Variants in SALL3 observed in about 807,000 individuals in gnomAD.
SALL3 encodes the protein spalt like transcription factor 3, also known as sal-like protein 3.
A neutral mutation model predicts 66.2 loss-of-function variants in SALL3; 25 were observed. The observed-to-expected ratio is 0.38, with a 90% CI of 0.28 to 0.53. The LOEUF (loss-of-function observed/expected upper bound fraction) is 0.53. SALL3 is among the 20% of genes least tolerant of loss of function. The pLI, the probability that SALL3 is intolerant of heterozygous loss-of-function variation, is 0.85. For missense variants in SALL3, 2,194 were observed against 1,916.5 expected (o/e 1.14, Z -2.70); for synonymous variants, 1,152 against 899.1 (o/e 1.28, Z -5.03).
Position 78,997,190 on chromosome 18 carries a change from C to T in SALL3, c.3771C>T (p.Ala1257=), listed in dbSNP as rs755936633. The change falls in exon 3 of 3, where the codon GCC becomes GCT. Residue 1257 remains alanine, a synonymous_variant. Transcript: ENST00000537592. ...GSALPPLGSM[A]SGMDKARTGS... is the part of the protein sequence containing the mutation. The stretch of plus-strand genomic sequence containing the variant: ...CCCTCCCCCCTCTGGGCAGCATGGC[C>T]AGTGGGATGGACAAAGCACGCACTG... 1.9e-6 allele frequency: 3 copies of T among 1,613,902 alleles called. No homozygotes were observed. The highest frequency in any genetic ancestry group is 2.7e-5 in the African/African-American group (2 of 74,922).
rs145469808 is a variant in SALL3 at position 78,994,109 on chromosome 18, G to T, written c.2118G>T (p.Pro706=). ...ACCGGACGCACACGGGGGAGCGGCC[G>T]TTCAAGTGCAAGATCTGCGGCCGCG... ...MHYRTHTGER[P]FKCKICGRAF... The change falls in exon 2 of 3, where the codon CCG becomes CCT. Residue 706 remains proline, a synonymous_variant. Coordinates refer to ENST00000537592, the MANE Select transcript of SALL3 (RefSeq NM_171999.4). 4.3e-6 allele frequency: 7 copies of T among 1,612,820 alleles called. No homozygotes were observed. The African/African-American group carries it at 6.7e-5, about 15-fold the overall frequency.
At position 78,997,357 on chromosome 18, in the gene SALL3, C is replaced by T. The variant is rs201478648; in HGVS notation, c.*35C>T. ...CGCTCATCTGCCCTGCCCAGGCCCA[C>T]GTTTTGAAGTTGGAGCATCAGGCCT... On this transcript the variant is annotated 3_prime_UTR_variant, in exon 3 of 3. Coordinates refer to ENST00000537592, the MANE Select transcript of SALL3 (RefSeq NM_171999.4). 3 of 1,582,518 alleles carry T rather than the reference C, an allele frequency of 1.9e-6. No homozygotes were observed. The highest frequency in any genetic ancestry group is 2.3e-5 in the South Asian group (2 of 87,542).
At chr18:78,984,300 T>C (rs999603771) in intron 1 of SALL3, among the ~76,000 whole-genome samples, 2 of 152,260 alleles carry the variant, frequency 1.3e-5, no homozygotes, top group Non-Finnish European at 1.5e-5. Context: ...GAATTTAGCA[T>C]TCTTAAAAGT....
chr18:78,987,528 G>A (rs1914287745), intron 1 of SALL3, among the ~76,000 whole-genome samples: 1 of 152,148 alleles, frequency 6.6e-6, no homozygotes, highest in Non-Finnish European at 1.5e-5. Context: ...TGGTAATAGA[G>A]GCCCTGAAAA....
chr18:78,995,816 T>C (rs1914675714), intron 2 of SALL3, among the ~76,000 whole-genome samples: 1 of 152,082 alleles, frequency 6.6e-6, no homozygotes, highest in Admixed American at 6.5e-5. Context: ...CATGCCTGTG[T>C]GTCCCTGTGC....
Position 78,992,605 on chromosome 18 carries a change from T to G in SALL3, c.614T>G (p.Ile205Ser). ...GTGGCAGCTGCAGCCGTGCCCCTGA[T>G]CCTGGAACAGCTCATGGCCCTGCAG... ...GGVAAAAVPL[I>S]LEQLMALQQQ... Residue 205 changes from isoleucine (I) to serine (S), a missense_variant, in exon 2 of 3, where the codon ATC becomes AGC. Coordinates refer to ENST00000537592, the MANE Select transcript of SALL3 (RefSeq NM_171999.4). 6.5e-7 allele frequency: 1 copy of G among 1,547,300 alleles called. No individual in the cohort carries two copies. Among genetic ancestry groups the G allele is most frequent in the Non-Finnish European group, 8.7e-7 (1 of 1,154,642 alleles).
At chr18:78,988,394 G>A (rs1471197763) in intron 1 of SALL3, among the ~76,000 whole-genome samples, 4 of 152,180 alleles carry the variant, frequency 2.6e-5, no homozygotes, top group African/African-American at 9.6e-5. Flanking sequence ...GAAGGGCCAT[G>A]GAAGCAGTTT....
rs544477663 is a variant in SALL3, at chr18:78,980,015, G to A, written c.-260G>A. Reference sequence around the variant, plus strand: ...CCCGAGGCGCCGCGGCCCCCTCCTCGTCGGCGCGGCCGCTAATTGCGAGCG... The same window carrying A: ...CCCGAGGCGCCGCGGCCCCCTCCTCATCGGCGCGGCCGCTAATTGCGAGCG... On this transcript the variant is annotated 5_prime_UTR_variant, in exon 1 of 3. Coordinates refer to ENST00000537592, the MANE Select transcript of SALL3 (RefSeq NM_171999.4). 2.7e-5 allele frequency among the ~76,000 whole-genome samples: 4 copies of A among 145,714 alleles called. No homozygotes were observed. In the South Asian group the frequency reaches 6.3e-4, roughly 23 times the overall value.
Position 78,994,027 on chromosome 18 carries a change from A to G in SALL3, c.2036A>G (p.Asn679Ser). 6.2e-7 allele frequency: 1 copy of G among 1,612,656 alleles called. No individual in the cohort carries two copies. Among genetic ancestry groups the G allele is most frequent in the Non-Finnish European group, 8.5e-7 (1 of 1,179,886 alleles). Reference protein sequence around the residue: ...ENIDKKMTDPNQCVICHRVLS... With the variant: ...ENIDKKMTDPSQCVICHRVLS... ...ATCGACAAGAAGATGACGGACCCGA[A>G]CCAGTGCGTCATCTGCCACCGGGTG... The change falls in exon 2 of 3, where the codon AAC becomes AGC. Residue 679 changes from asparagine to serine, a missense_variant. Physicochemically the swap from Asn to Ser is conservative, Grantham distance 46. Coordinates refer to ENST00000537592, the MANE Select transcript of SALL3 (RefSeq NM_171999.4).
In SALL3 at chr18:78,994,440, G is replaced by A. The variant is rs565377995; in HGVS notation, c.2449G>A (p.Asp817Asn). 2.8e-4 allele frequency: 459 copies of A among 1,612,122 alleles called. 5 individuals are homozygous for A. In the South Asian group the frequency reaches 4.8e-3, roughly 17 times the overall value. The change falls in exon 2 of 3, where the codon GAC becomes AAC. Residue 817 changes from aspartate to asparagine, a missense_variant. Coordinates refer to ENST00000537592, the MANE Select transcript of SALL3 (RefSeq NM_171999.4). ...DDAELKDAATDPAKPLLSYAG... is the reference protein window; with the variant it reads ...DDAELKDAATNPAKPLLSYAG... ...CGCTGAGCTGAAGGACGCGGCCACCGACCCGGCCAAGCCACTCCTGTCCTA... is the reference window on the plus strand; with the variant it reads ...CGCTGAGCTGAAGGACGCGGCCACCAACCCGGCCAAGCCACTCCTGTCCTA...
At chr18:78,982,089 C>G (rs1232104155) in intron 1 of SALL3, among the ~76,000 whole-genome samples, 1 of 152,122 alleles carries the variant, frequency 6.6e-6, no homozygotes. Flanking sequence ...GAGTAAACCC[C>G]CTGGTATTTA....
At chr18:78,987,360 T>G (rs1471248309) in intron 1 of SALL3, among the ~76,000 whole-genome samples, 1 of 152,236 alleles carries the variant, frequency 6.6e-6, no homozygotes, top group Non-Finnish European at 1.5e-5. Flanking sequence ...TTAAACATTC[T>G]GTGTATATTT....
chr18:78,987,626 A>T (rs1368944372), intron 1 of SALL3, among the ~76,000 whole-genome samples: 3 of 152,200 alleles, frequency 2.0e-5, no homozygotes, highest in Non-Finnish European at 4.4e-5. Context: ...CAGATGGCCA[A>T]CATGGCACCA....
At position 78,979,925 on chromosome 18, in the gene SALL3, G is replaced by A. The variant is rs1913929877; in HGVS notation, c.-350G>A. 2.1e-5 allele frequency among the ~76,000 whole-genome samples: 3 copies of A among 143,902 alleles called. No individual in the cohort carries two copies. The highest frequency in any genetic ancestry group is 7.5e-5 in the African/African-American group (3 of 40,108). 94.4% of individuals were successfully genotyped at this position (143,902 alleles called of 152,430 possible). ...GGGCCCCGCCACAGCCGCACCCGGG[G>A]CGGCCGAGGAGCGCGGCGCCGGAGC... On this transcript the variant is annotated 5_prime_UTR_variant, in exon 1 of 3. Coordinates refer to ENST00000537592, the MANE Select transcript of SALL3 (RefSeq NM_171999.4).
In SALL3 at chr18:78,996,921, G is replaced by GC; in HGVS notation, c.3507dup (p.Ala1170ArgfsTer19). 1 of 1,612,472 alleles carries GC rather than the reference G, an allele frequency of 6.2e-7. No homozygotes were observed. The highest frequency in any genetic ancestry group is 8.5e-7 in the Non-Finnish European group (1 of 1,179,442). ...CATGGGGACACACATGTGGAATAACGCCCCCGCGAGACGCGGCCGCCGCCT... is the reference window on the plus strand; with the variant it reads ...CATGGGGACACACATGTGGAATAACGCCCCCCGCGAGACGCGGCCGCCGCCT... On this transcript the variant is annotated frameshift_variant, in exon 3 of 3. Coordinates refer to ENST00000537592, the MANE Select transcript of SALL3 (RefSeq NM_171999.4). LOFTEE classifies it low-confidence loss of function (END_TRUNC).
In SALL3 at chr18:78,997,510, G is replaced by A. The variant is rs190190172; in HGVS notation, c.*188G>A. 2.3e-4 allele frequency: 133 copies of A among 590,362 alleles called. No homozygotes were observed. The African/African-American group carries it at 2.3e-3, about 10-fold the overall frequency. 36.6% of individuals were successfully genotyped at this position (590,362 alleles called of 1,614,324 possible). A position where few individuals can be genotyped will look rare whatever the true frequency, so the allele number is the denominator to read the frequency against. On this transcript the variant is annotated 3_prime_UTR_variant, in exon 3 of 3. Transcript: ENST00000537592. Reference sequence around the variant, plus strand: ...TTCAACAGCAAGCCTGACTGTTCTCGAGAACTCTGCAATCTTTTAAATAAG... The same window carrying A: ...TTCAACAGCAAGCCTGACTGTTCTCAAGAACTCTGCAATCTTTTAAATAAG...
chr18:78,995,858 C>A (rs957136883), intron 2 of SALL3, among the ~76,000 whole-genome samples: 2 of 152,116 alleles, frequency 1.3e-5, no homozygotes, highest in African/African-American at 4.8e-5. Context: ...TGTTAATCCG[C>A]TGTGGGGGGA....
At position 78,980,225 on chromosome 18, in the gene SALL3, C is replaced by G. The variant is rs1434604992; in HGVS notation, c.-50C>G. The G allele has an allele frequency of 1.0e-6, 1 of 962,850 alleles. No individual in the cohort carries two copies. 59.6% of individuals were successfully genotyped at this position (962,850 alleles called of 1,614,324 possible). On this transcript the variant is annotated 5_prime_UTR_variant, in exon 1 of 3. Transcript: ENST00000537592. ...GCCGCCCCGCGCCGTCCCCGCCGGC[C>G]GCCCCGCTGATGCCGCTGCCCCGCG...
chr18:78,980,339 A>T lies in SALL3; in HGVS notation c.65A>T (p.Asp22Val). ...LKSDEELLPPDGAPEHAAPGE... is the reference protein window; with the variant it reads ...LKSDEELLPPVGAPEHAAPGE... ...TCGGACGAGGAGCTGCTGCCGCCTG[A>T]CGGGGCTCCCGAGCACGGTGAGGGC... The change falls in exon 1 of 3, where the codon GAC becomes GTC. Residue 22 changes from aspartate to valine, a missense_variant. By Grantham distance (152) the Asp-to-Val change is radical. Coordinates refer to ENST00000537592, the MANE Select transcript of SALL3 (RefSeq NM_171999.4). 6.9e-7 allele frequency: 1 copy of T among 1,439,336 alleles called. No homozygotes were observed. Among genetic ancestry groups the T allele is most frequent in the Non-Finnish European group, 9.2e-7 (1 of 1,090,594 alleles). 89.2% of individuals were successfully genotyped at this position (1,439,336 alleles called of 1,614,324 possible). A position where few individuals can be genotyped will look rare whatever the true frequency, so the allele number is the denominator to read the frequency against.
Sources: gnomAD v4.1 joint callset for allele counts (sites outside exome capture counted in the v4.1 genomes callset) on GRCh38, gnomAD v4.1.1 for gene constraint, MANE v1.5 for transcripts, NCBI Gene and HGNC (gene_info 2026-07-23, HGNC 2026-07-21) for gene names.